The following MCU variants were observed in gnomAD, a reference collection of about 807,000 sequenced individuals.
MCU encodes calcium uniporter protein, mitochondrial.
Under a neutral mutation model 45.2 loss-of-function variants are expected in MCU, and 12 were observed. The ratio of observed to expected loss-of-function variants is 0.27; its 90% CI spans 0.17 to 0.43. The LOEUF (loss-of-function observed/expected upper bound fraction) is 0.43. MCU is among the 20% of genes least tolerant of loss of function. MCU has a pLI of 1.00. For synonymous variants in MCU, 160 were observed against 165.1 expected, an observed-to-expected ratio of 0.97 and a Z score of 0.24; for missense variants, 324 against 436.7, an observed-to-expected ratio of 0.74 and a Z score of 2.30.
chr10:72,831,917 A>G (rs1237305818), intron 1 of MCU, among the ~76,000 whole-genome samples: 2 of 152,204 alleles, frequency 1.3e-5, no homozygotes, highest in Non-Finnish European at 2.9e-5. Context: ...AGTCAGAGAT[A>G]ATGGGATATC....
chr10:72,716,327 C>T (rs923130245), intron 1 of MCU, among the ~76,000 whole-genome samples: 6 of 152,180 alleles, frequency 3.9e-5, no homozygotes, highest in Middle Eastern at 3.2e-3. Context: ...AAAGAGAAAA[C>T]CAGGAAAGTC....
chr10:72,837,917 C>T (rs1306510784), intron 2 of MCU, among the ~76,000 whole-genome samples: 5 of 144,764 alleles, frequency 3.5e-5, no homozygotes, highest in Non-Finnish European at 7.5e-5. Flanking sequence ...AGTGCAGTGG[C>T]GCAATCTCGG....
chr10:72,820,584 C>G (rs1844696354), intron 1 of MCU, among the ~76,000 whole-genome samples: 1 of 151,548 alleles, frequency 6.6e-6, no homozygotes, highest in South Asian at 2.1e-4. Context: ...GATCTTGGCT[C>G]ACTGCAACCT....
chr10:72,723,835 C>A (rs776299577), intron 1 of MCU, among the ~76,000 whole-genome samples: 1 of 152,164 alleles, frequency 6.6e-6, no homozygotes, highest in South Asian at 2.1e-4. Context: ...TGTTGCTCTG[C>A]AGATAGAATA....
intron 1 of MCU, among the ~76,000 whole-genome samples, chr10:72,813,423 A>T (rs1844574215): frequency 1.4e-5 from 2 of 140,570 alleles, no homozygotes; most frequent in African/African-American, 2.6e-5. Context: ...GTGTAAGAGG[A>T]TCTGTTAATT....
intron 1 of MCU, among the ~76,000 whole-genome samples, chr10:72,821,440 GT>G (rs1161373740): frequency 1.3e-5 from 2 of 152,040 alleles, no homozygotes; most frequent in African/African-American, 4.8e-5. Context: ...AAACCAATTG[GT>G]TTATGTAAGT....
At chr10:72,699,033 G>A (rs906506962) in intron 1 of MCU, among the ~76,000 whole-genome samples, 6 of 151,990 alleles carry the variant, frequency 3.9e-5, no homozygotes, top group African/African-American at 1.2e-4. Context: ...TGAACTCCTC[G>A]GCTCAAGCAG....
intron 4 of MCU, among the ~76,000 whole-genome samples, chr10:72,867,830 G>GGGT (rs888155479): frequency 2.0e-5 from 3 of 150,160 alleles, no homozygotes; most frequent in African/African-American, 7.4e-5. Context: ...ACTCCAGCCT[G>GGGT]GGTAACAGAG....
At chr10:72,778,324 C>A (rs1843929675) in intron 1 of MCU, among the ~76,000 whole-genome samples, 1 of 152,142 alleles carries the variant, frequency 6.6e-6, no homozygotes, top group Non-Finnish European at 1.5e-5. Context: ...TATATATACA[C>A]AATGGGATAT....
chr10:72,726,179 C>T (rs962811196), intron 1 of MCU, among the ~76,000 whole-genome samples: 1 of 151,934 alleles, frequency 6.6e-6, no homozygotes, highest in Non-Finnish European at 1.5e-5. Context: ...GAATCGTAGG[C>T]ATTGGCCGTG....
intron 1 of MCU, among the ~76,000 whole-genome samples, chr10:72,748,749 G>A (rs1843451615): frequency 6.6e-6 from 1 of 152,072 alleles, no homozygotes; most frequent in African/African-American, 2.4e-5. Flanking sequence ...TAAACTCTAA[G>A]GGAAGGACAT....
intron 1 of MCU, chr10:72,715,001 C>A (rs1287438163): frequency 5.8e-6 from 1 of 172,508 alleles, no homozygotes. Context: ...TAAACAAGGT[C>A]TTTTCAGACT....
intron 6 of MCU, among the ~76,000 whole-genome samples, chr10:72,874,432 A>G (rs1845590391): frequency 6.6e-6 from 1 of 152,184 alleles, no homozygotes; most frequent in African/African-American, 2.4e-5. Flanking sequence ...CTGTTTTCTT[A>G]GTTATCAGAA....
rs937863638 is a variant in MCU at position 72,783,078 on chromosome 10, T to G, written c.151-51281T>G. Among the ~76,000 whole-genome samples, 21 of 152,358 alleles carry G rather than the reference T, an allele frequency of 1.4e-4. No homozygotes were observed. In the Middle Eastern group the frequency reaches 0.01, roughly 74 times the overall value. ...CAGTTTGTTTGAAGTATTTGTGGAA[T>G]GCACTTTAAGCATAATCAATATTCA... On this transcript the variant is annotated intron_variant, in intron 1 of 7. Transcript: ENST00000373053.
At chr10:72,859,390 C>T in intron 3 of MCU, 43 bp downstream of exon 3, 2 of 1,533,538 alleles carry the variant, frequency 1.3e-6, no homozygotes, top group Non-Finnish European at 1.8e-6. Context: ...TCCCTCATTT[C>T]ACCCCACACC....
intron 1 of MCU, among the ~76,000 whole-genome samples, chr10:72,747,162 CCTT>C (rs1462985150): frequency 1.3e-5 from 2 of 152,188 alleles, no homozygotes; most frequent in Non-Finnish European, 2.9e-5. Flanking sequence ...CCATTGCACT[CCTT>C]CTCTGTTGCC....
At position 72,772,991 on chromosome 10, in the gene MCU, C is replaced by T. The variant is rs183727353; in HGVS notation, c.151-61368C>T. On this transcript the variant is annotated intron_variant, in intron 1 of 7. Coordinates refer to ENST00000373053, the MANE Select transcript of MCU (RefSeq NM_138357.3). Reference sequence around the variant, plus strand: ...GTGGCTCACTGTAGCCTCAACCTCCCAGGCTCAGGCAATCCTCTCACCTCA... The same window carrying T: ...GTGGCTCACTGTAGCCTCAACCTCCTAGGCTCAGGCAATCCTCTCACCTCA... 3.2e-3 allele frequency among the ~76,000 whole-genome samples: 482 copies of T among 152,254 alleles called. 1 individual carries two copies. The highest frequency in any genetic ancestry group is 0.011 in the African/African-American group (462 of 41,534).
chr10:72,774,868 A>G (rs554835798), intron 1 of MCU, among the ~76,000 whole-genome samples: 4 of 152,290 alleles, frequency 2.6e-5, no homozygotes, highest in South Asian at 4.1e-4. Flanking sequence ...ATAAATGTCT[A>G]TGTACCCAAT....
intron 1 of MCU, among the ~76,000 whole-genome samples, chr10:72,702,561 A>G (rs1842771234): frequency 6.6e-6 from 1 of 152,210 alleles, no homozygotes; most frequent in Non-Finnish European, 1.5e-5. Flanking sequence ...TGGCCAGGAG[A>G]CATTGTACAA....
Sources: allele counts gnomAD v4.1 joint callset (sites outside exome capture counted in the v4.1 genomes callset), GRCh38; gene constraint gnomAD v4.1.1; transcripts MANE v1.5; gene names NCBI Gene and HGNC (gene_info 2026-07-23, HGNC 2026-07-21).